Variants in DEPTOR observed in about 807,000 individuals in gnomAD.
The protein encoded by DEPTOR is DEP domain-containing mTOR-interacting protein.
Under a neutral mutation model 41.6 loss-of-function variants are expected in DEPTOR, and 41 were observed. The observed-to-expected ratio is 0.98, with a 90% CI of 0.77 to 1.28. The LOEUF (loss-of-function observed/expected upper bound fraction) is 1.28, where lower values mean the gene tolerates loss of function less well. Among genes scored for constraint, DEPTOR ranks in the 50% most tolerant of loss-of-function variants. The pLI is 0.00. For missense variants in DEPTOR, 514 were observed against 527.9 expected (o/e 0.97, Z 0.26); for synonymous variants, 195 against 192.3 (o/e 1.01, Z -0.12).
chr8:119,879,047 T>C (rs1586594523), intron 1 of DEPTOR, among the ~76,000 whole-genome samples: 1 of 151,390 alleles, frequency 6.6e-6, no homozygotes, highest in Non-Finnish European at 1.5e-5. Flanking sequence ...GAGGCAGAGG[T>C]TGTAGTGAGC....
intron 1 of DEPTOR, among the ~76,000 whole-genome samples, chr8:119,909,289 GAC>G (rs1256775740): frequency 2.6e-5 from 4 of 152,162 alleles, no homozygotes. Flanking sequence ...CAGTTCAAAT[GAC>G]AGCTGTCAGG....
chr8:119,894,487 C>T lies in DEPTOR; in HGVS notation c.122+20519C>T, dbSNP rs576906976. On this transcript the variant is annotated intron_variant, in intron 1 of 8. Transcript: ENST00000286234. ...TCTTGGCTCACTGCAAGCTCCGCCTCCTGGGTTCACGGCATTCTCCTGCCT... is the reference window on the plus strand; with the variant it reads ...TCTTGGCTCACTGCAAGCTCCGCCTTCTGGGTTCACGGCATTCTCCTGCCT... 2.0e-5 allele frequency among the ~76,000 whole-genome samples: 3 copies of T among 151,866 alleles called. 1 individual carries two copies. In the East Asian group the frequency reaches 5.8e-4, roughly 30 times the overall value.
chr8:119,902,853 T>A (rs753978698), intron 1 of DEPTOR, among the ~76,000 whole-genome samples: 11 of 152,194 alleles, frequency 7.2e-5, no homozygotes, highest in Non-Finnish European at 1.3e-4. Context: ...TTTAAAAATA[T>A]GCAAAATTGG....
intron 3 of DEPTOR, among the ~76,000 whole-genome samples, chr8:119,941,068 T>G (rs1828197081): frequency 6.6e-6 from 1 of 152,062 alleles, no homozygotes; most frequent in Non-Finnish European, 1.5e-5. Context: ...TTCGTGCTAC[T>G]GAACTTAAAA....
At chr8:119,901,603 G>C (rs1827591455) in intron 1 of DEPTOR, among the ~76,000 whole-genome samples, 1 of 151,638 alleles carries the variant, frequency 6.6e-6, no homozygotes, top group African/African-American at 2.4e-5. Context: ...TTGAACCCAG[G>C]AGGTGGAGGT....
intron 3 of DEPTOR, among the ~76,000 whole-genome samples, chr8:119,955,164 A>T (rs1828402532): frequency 6.6e-6 from 1 of 151,916 alleles, no homozygotes; most frequent in African/African-American, 2.4e-5. Flanking sequence ...GGCCTCTATG[A>T]TTGAATTTTA....
intron 3 of DEPTOR, among the ~76,000 whole-genome samples, chr8:119,954,532 C>CTAAG (rs1407120669): frequency 6.6e-6 from 1 of 152,050 alleles, no homozygotes; most frequent in Non-Finnish European, 1.5e-5. Flanking sequence ...TCTTTTTGAC[C>CTAAG]TAAGCCCCAC....
chr8:119,949,028 C>T (rs562349336), intron 3 of DEPTOR, among the ~76,000 whole-genome samples: 67 of 152,330 alleles, frequency 4.4e-4, no homozygotes, highest in African/African-American at 1.6e-3. Flanking sequence ...TCAGGTGATC[C>T]ACCCGCCTTG....
chr8:119,943,870 T>C (rs184732819), intron 3 of DEPTOR, among the ~76,000 whole-genome samples: 2,634 of 152,198 alleles, frequency 0.017, 67 homozygotes, highest in African/African-American at 0.061. Context: ...CGGAGTCTCG[T>C]TTTGTTGCCC....
intron 1 of DEPTOR, among the ~76,000 whole-genome samples, chr8:119,909,320 GATGAA>G (rs936279850): frequency 5.9e-5 from 9 of 152,148 alleles, no homozygotes; most frequent in African/African-American, 2.2e-4. Context: ...ACAGATAACT[GATGAA>G]ATCTTTAGTT....
At chr8:119,921,748 G>GTTTTTTTTTTTTTTTTTTT (rs1282897659) in intron 1 of DEPTOR, among the ~76,000 whole-genome samples, 1 of 131,134 alleles carries the variant, frequency 7.6e-6, no homozygotes. Context: ...CTATTCTGTA[G>GTTTTTTTTTTTTTTTTTTT]TTTTTTTTTT....
chr8:119,986,061 C>G (rs566377060), intron 4 of DEPTOR, among the ~76,000 whole-genome samples: 1 of 149,300 alleles, frequency 6.7e-6, no homozygotes, highest in East Asian at 1.9e-4. Context: ...TGAATTTGAT[C>G]CTGTCATTAT....
At chr8:120,006,247 G>A (rs1812435219) in intron 6 of DEPTOR, among the ~76,000 whole-genome samples, 1 of 152,126 alleles carries the variant, frequency 6.6e-6, no homozygotes, top group South Asian at 2.1e-4. Context: ...AAGGAAGTGA[G>A]GCTGGGCGGC....
In DEPTOR at chr8:119,928,573, A is replaced by G. The variant is rs780378516; in HGVS notation, c.296A>G (p.His99Arg). The G allele has an allele frequency of 8.7e-6, 14 of 1,614,002 alleles. No homozygotes were observed. Among genetic ancestry groups the G allele is most frequent in the Non-Finnish European group, 1.2e-5 (14 of 1,179,952 alleles). ...AAATTAGCAGACCGGGGCATTATTC[A>G]CCATGGTGAGTGCGGTGGCGAGTCA... Reference protein sequence around the residue: ...MQKLADRGIIHHVCDEHKEFK... With the variant: ...MQKLADRGIIRHVCDEHKEFK... Residue 99 changes from histidine to arginine, a missense_variant, in exon 2 of 9, where the codon CAC (histidine) becomes CGC (arginine). His to Arg is a conservative substitution (Grantham distance 29). Transcript: ENST00000286234.
Position 119,929,840 on chromosome 8 carries a change from G to C in DEPTOR, c.327G>C (p.Lys109Asn). The C allele has an allele frequency of 6.2e-7, 1 of 1,613,158 alleles. No homozygotes were observed. Among genetic ancestry groups the C allele is most frequent in the Non-Finnish European group, 8.5e-7 (1 of 1,179,386 alleles). The part of the protein sequence containing the change: ...HHVCDEHKEF[K>N]DVKLFYRFRK... Reference sequence around the variant, plus strand: ...TGTGTGATGAGCATAAGGAATTCAAGGATGTCAAACTCTTCTACCGCTTTA... The same window carrying C: ...TGTGTGATGAGCATAAGGAATTCAACGATGTCAAACTCTTCTACCGCTTTA... Residue 109 changes from lysine (K) to asparagine (N), a missense_variant, in exon 3 of 9, where the codon AAG (lysine) becomes AAC (asparagine). Coordinates refer to ENST00000286234, the MANE Select transcript of DEPTOR (RefSeq NM_022783.4).
chr8:120,009,205 T>G, intron 8 of DEPTOR, 72 bp downstream of exon 8: 1 of 1,337,812 alleles, frequency 7.5e-7, no homozygotes, highest in Non-Finnish European at 1.0e-6. Context: ...CCATGATTCT[T>G]ACTAGGGATC....
At chr8:119,909,944 A>T (rs1335187808) in intron 1 of DEPTOR, among the ~76,000 whole-genome samples, 1 of 152,242 alleles carries the variant, frequency 6.6e-6, no homozygotes, top group Non-Finnish European at 1.5e-5. Context: ...AACACTGGAT[A>T]ATCTGGAGCT....
chr8:119,935,486 C>G (rs1466012269), intron 3 of DEPTOR, among the ~76,000 whole-genome samples: 1 of 151,988 alleles, frequency 6.6e-6, no homozygotes, highest in Non-Finnish European at 1.5e-5. Context: ...TTTGGGAGGC[C>G]GAGGCGGGCA....
At chr8:119,993,156 A>G (rs1303556273) in intron 4 of DEPTOR, among the ~76,000 whole-genome samples, 1 of 152,200 alleles carries the variant, frequency 6.6e-6, no homozygotes, top group African/African-American at 2.4e-5. Context: ...CCCAGAAAGA[A>G]GAATATATCT....
Sources: allele counts gnomAD v4.1 joint callset (sites outside exome capture counted in the v4.1 genomes callset), GRCh38; gene constraint gnomAD v4.1.1; transcripts MANE v1.5; gene names NCBI Gene and HGNC (gene_info 2026-07-23, HGNC 2026-07-21).